The following NMNAT1 variants were observed in gnomAD, a reference collection of about 807,000 sequenced individuals.
NMNAT1 encodes nicotinamide nucleotide adenylyltransferase 1, also known as nicotinamide/nicotinic acid mononucleotide adenylyltransferase 1.
A neutral mutation model predicts 16.7 loss-of-function variants in NMNAT1; 11 were observed. The observed-to-expected ratio is 0.66, with a 90% CI of 0.41 to 1.09. NMNAT1 has a LOEUF of 1.09. Ranked by LOEUF, NMNAT1 falls within the 50% of genes least tolerant of loss-of-function variation. The probability of loss-of-function intolerance (pLI) is 0.00; values close to 1 mark genes in which losing one functional copy is unlikely to be tolerated. For missense variants in NMNAT1, 280 were observed against 332.3 expected (o/e 0.84, Z 1.22); for synonymous variants, 110 against 119.8 (o/e 0.92, Z 0.53).
At chr1:9,992,519 C>A in the NMNAT1 span, among the ~76,000 whole-genome samples, 1 of 152,156 alleles carries the variant, frequency 6.6e-6, no homozygotes, top group Admixed American at 6.6e-5. Context: ...ATGTCCCAGG[C>A]ACTCCTTCAG....
chr1:9,950,079 C>T (rs1641072624), intron 1 of NMNAT1: 2 of 152,016 alleles, frequency 1.3e-5, no homozygotes, highest in Non-Finnish European at 2.9e-5. Flanking sequence ...CTCATTAATA[C>T]TTAAATGCAG....
intron 3 of NMNAT1, among the ~76,000 whole-genome samples, chr1:9,978,862 G>A (rs1641872250): frequency 6.6e-6 from 1 of 152,264 alleles, no homozygotes. Flanking sequence ...CCTGCTTAGG[G>A]CCCCTTCCTT....
intron 1 of NMNAT1, among the ~76,000 whole-genome samples, chr1:9,953,784 A>G: frequency 6.9e-6 from 1 of 145,342 alleles, no homozygotes; most frequent in East Asian, 2.1e-4. Context: ...TTTTGCTGAA[A>G]TCATATATCA....
intron 1 of NMNAT1, among the ~76,000 whole-genome samples, chr1:9,967,925 G>A (rs1198755712): frequency 1.3e-5 from 2 of 152,106 alleles, no homozygotes; most frequent in Middle Eastern, 3.4e-3. Flanking sequence ...GCAGTGAGCT[G>A]AGATTGTACC....
chr1:9,962,477 G>A (rs1455278147), intron 1 of NMNAT1, among the ~76,000 whole-genome samples: 1 of 141,404 alleles, frequency 7.1e-6, no homozygotes, highest in African/African-American at 2.6e-5. Context: ...GCGAGACTCC[G>A]TCTGAAAAAA....
chr1:9,976,559 C>T (rs1185721188), intron 3 of NMNAT1, among the ~76,000 whole-genome samples: 1 of 152,070 alleles, frequency 6.6e-6, no homozygotes, highest in Non-Finnish European at 1.5e-5. Flanking sequence ...TCTCTGTGCC[C>T]ATACCTTTGA....
intron 1 of NMNAT1, among the ~76,000 whole-genome samples, chr1:9,970,704 G>T (rs987819136): frequency 6.7e-6 from 1 of 150,266 alleles, no homozygotes; most frequent in Non-Finnish European, 1.5e-5. Context: ...AAAAAAAAAA[G>T]AAATTTTAAT....
chr1:9,977,519 C>A (rs1046083261), intron 3 of NMNAT1, among the ~76,000 whole-genome samples: 1 of 151,974 alleles, frequency 6.6e-6, no homozygotes, highest in African/African-American at 2.4e-5. Context: ...AAATAGAAAC[C>A]CACTCTGGAT....
chr1:9,996,228 G>A, the NMNAT1 span, among the ~76,000 whole-genome samples: 3,408 of 146,758 alleles, frequency 0.023, 48 homozygotes, highest in South Asian at 0.047. Flanking sequence ...GGAGAATGGC[G>A]TGAACCCCGG....
chr1:9,973,532 C>T (rs978647642), intron 2 of NMNAT1, among the ~76,000 whole-genome samples: 2 of 150,726 alleles, frequency 1.3e-5, no homozygotes. Context: ...ACGGTGAAAC[C>T]CCATCTCTAC....
intron 3 of NMNAT1, among the ~76,000 whole-genome samples, chr1:9,980,151 C>T (rs775386317): frequency 3.3e-5 from 5 of 151,784 alleles, no homozygotes; most frequent in South Asian, 2.1e-4. Context: ...GGCTGTGTCT[C>T]GAACTCCTGA....
chr1:9,971,594 G>A (rs1347697355), intron 1 of NMNAT1, among the ~76,000 whole-genome samples: 1 of 152,028 alleles, frequency 6.6e-6, no homozygotes, highest in Non-Finnish European at 1.5e-5. Context: ...TTACATGTGT[G>A]AGCCACCACG....
Position 9,985,178 on chromosome 1 carries a change from G to A in NMNAT1, c.*2477G>A, listed in dbSNP as rs1487639125. The A allele has an allele frequency of 1.3e-5, 2 of 152,160 alleles. No homozygotes were observed. Among genetic ancestry groups the A allele is most frequent in the Non-Finnish European group, 2.9e-5 (2 of 68,052 alleles). The allele number at this position is 152,160 out of a possible 1,614,324, so 9.4% of individuals were successfully genotyped here. A position where few individuals can be genotyped will look rare whatever the true frequency, so the allele number is the denominator to read the frequency against. ...TTCACCACGGCATCCACTCAGCTGT[G>A]AGGCTGCGTACACAGTCTCCACCTC... is the stretch of plus-strand genomic sequence containing the variant. On this transcript the variant is annotated 3_prime_UTR_variant, in exon 5 of 5. Coordinates refer to ENST00000377205, the MANE Select transcript of NMNAT1 (RefSeq NM_022787.4).
intron 1 of NMNAT1, among the ~76,000 whole-genome samples, chr1:9,967,900 T>C (rs998253678): frequency 2.6e-5 from 4 of 152,044 alleles, no homozygotes; most frequent in East Asian, 3.9e-4. Context: ...CACTTGAGCC[T>C]GGGAGATGGA....
chr1:9,954,654 C>G (rs1047846988), intron 1 of NMNAT1, among the ~76,000 whole-genome samples: 1 of 152,064 alleles, frequency 6.6e-6, no homozygotes, highest in Non-Finnish European at 1.5e-5. Context: ...GAATTTGGGC[C>G]AGGCATGGTG....
chr1:9,954,261 G>A (rs1641195566), intron 1 of NMNAT1, among the ~76,000 whole-genome samples: 2 of 152,092 alleles, frequency 1.3e-5, no homozygotes, highest in Admixed American at 6.6e-5. Flanking sequence ...TGTCACCCAG[G>A]CTGGAGTGCA....
At chr1:9,974,705 G>A (rs922254183) in intron 2 of NMNAT1, among the ~76,000 whole-genome samples, 1 of 151,692 alleles carries the variant, frequency 6.6e-6, no homozygotes, top group African/African-American at 2.4e-5. Context: ...TTAATTTTTT[G>A]TAGAAACTGG....
intron 1 of NMNAT1, among the ~76,000 whole-genome samples, chr1:9,958,907 A>G (rs948316483): frequency 6.6e-6 from 1 of 152,180 alleles, no homozygotes; most frequent in Non-Finnish European, 1.5e-5. Context: ...ACAAAATCCT[A>G]TGACATAGGA....
At chr1:9,970,581 C>T (rs549065176) in intron 1 of NMNAT1, among the ~76,000 whole-genome samples, 12 of 151,314 alleles carry the variant, frequency 7.9e-5, no homozygotes, top group Non-Finnish European at 1.2e-4. Context: ...CCCAGCTACT[C>T]GGGAGGCTGA....
Sources: allele counts gnomAD v4.1 joint callset (sites outside exome capture counted in the v4.1 genomes callset), GRCh38; gene constraint gnomAD v4.1.1; transcripts MANE v1.5; gene names NCBI Gene and HGNC (gene_info 2026-07-23, HGNC 2026-07-21).